The following NPAS2 variants were observed in gnomAD, a reference collection of about 807,000 sequenced individuals.
The protein encoded by NPAS2 is neuronal PAS domain protein 2.
A neutral mutation model predicts 107.5 loss-of-function variants in NPAS2; 23 were observed. The observed-to-expected ratio is 0.21, with a 90% CI of 0.15 to 0.30. The LOEUF (loss-of-function observed/expected upper bound fraction) is 0.30, where lower values mean the gene tolerates loss of function less well. NPAS2 is among the 10% of genes least tolerant of loss of function. The pLI is 1.00. For missense variants in NPAS2, 756 were observed against 1,043.3 expected (o/e 0.72, Z 3.79); for synonymous variants, 403 against 417.5 (o/e 0.97, Z 0.42).
At chr2:100,917,681 T>A (rs1682974347) in intron 2 of NPAS2, among the ~76,000 whole-genome samples, 1 of 152,122 alleles carries the variant, frequency 6.6e-6, no homozygotes, top group African/African-American at 2.4e-5. Flanking sequence ...TATGAACAAT[T>A]AGAGCCGCAT....
intron 1 of NPAS2, among the ~76,000 whole-genome samples, chr2:100,875,859 C>T (rs1360580843): frequency 6.6e-6 from 1 of 152,090 alleles, no homozygotes; most frequent in Non-Finnish European, 1.5e-5. Context: ...GAGGAAAAAA[C>T]ACCCACATGG....
At chr2:100,926,774 C>T (rs775477424) in intron 3 of NPAS2, among the ~76,000 whole-genome samples, 2 of 152,114 alleles carry the variant, frequency 1.3e-5, no homozygotes, top group Non-Finnish European at 2.9e-5. Flanking sequence ...CTCTTTGACA[C>T]ACGAAGGTTT....
intron 7 of NPAS2, among the ~76,000 whole-genome samples, chr2:100,952,457 G>A (rs1030533268): frequency 2.0e-5 from 3 of 152,204 alleles, no homozygotes; most frequent in Admixed American, 6.5e-5. Context: ...CCAGCTACTC[G>A]GGAGGCTGAG....
intron 10 of NPAS2, among the ~76,000 whole-genome samples, chr2:100,966,286 A>G (rs1676207798): frequency 6.6e-6 from 1 of 152,106 alleles, no homozygotes; most frequent in Non-Finnish European, 1.5e-5. Context: ...TGTACACAGC[A>G]TACTGGGGGA....
chr2:100,939,791 C>T (rs931146268), intron 5 of NPAS2, among the ~76,000 whole-genome samples: 1 of 152,076 alleles, frequency 6.6e-6, no homozygotes, highest in Non-Finnish European at 1.5e-5. Context: ...ACGTGGCAGA[C>T]GGGACTTAGA....
chr2:100,937,146 T>C (rs189955931), intron 4 of NPAS2, among the ~76,000 whole-genome samples: 4 of 152,282 alleles, frequency 2.6e-5, no homozygotes, highest in African/African-American at 9.6e-5. Context: ...CATTCTGAAA[T>C]GCTTACGGAT....
rs532759917 is a variant in NPAS2, at chr2:100,975,636, G to A, written c.1392+69G>A. On this transcript the variant is annotated intron_variant, in intron 14 of 20. Transcript: ENST00000335681. ...TGTGGTGGGGGCTGCAGAGCCAGGC[G>A]ATGTGCTGCGTCTCCCCAGAGAATC... is the stretch of plus-strand genomic sequence containing the variant. The A allele has an allele frequency of 1.4e-5, 16 of 1,123,004 alleles. No homozygotes were observed. In the East Asian group the frequency reaches 1.6e-4, roughly 11 times the overall value. The allele number at this position is 1,123,004 out of a possible 1,614,324, so 69.6% of individuals were successfully genotyped here.
intron 7 of NPAS2, among the ~76,000 whole-genome samples, chr2:100,951,728 T>G (rs1310801722): frequency 6.6e-6 from 1 of 152,206 alleles, no homozygotes; most frequent in Middle Eastern, 3.4e-3. Context: ...TTTTGCAGGA[T>G]GAAAGGAGTC....
At chr2:100,979,502 A>ATATATATAT (rs1403246843) in intron 15 of NPAS2, among the ~76,000 whole-genome samples, 1 of 43,330 alleles carries the variant, frequency 2.3e-5, no homozygotes, top group African/African-American at 9.8e-5. Flanking sequence ...ATATATATAT[A>ATATATATAT]TTTTTTTTTT....
At chr2:100,888,439 G>A (rs1452989410) in intron 1 of NPAS2, among the ~76,000 whole-genome samples, 1 of 152,168 alleles carries the variant, frequency 6.6e-6, no homozygotes, top group East Asian at 1.9e-4. Flanking sequence ...ACAATGTGAT[G>A]AGGATGGGGC....
At chr2:100,830,098 G>A (rs534946770) in intron 1 of NPAS2, among the ~76,000 whole-genome samples, 2 of 152,272 alleles carry the variant, frequency 1.3e-5, no homozygotes, top group African/African-American at 4.8e-5. Flanking sequence ...ATAGCTCTTT[G>A]GTCTTTGTTG....
chr2:100,873,329 CACACACACACACAT>C (rs1679739030), intron 1 of NPAS2, among the ~76,000 whole-genome samples: 1 of 131,896 alleles, frequency 7.6e-6, no homozygotes, highest in African/African-American at 3.1e-5. Flanking sequence ...CACACACACA[CACACACACACACAT>C]ATATACATAC....
intron 1 of NPAS2, among the ~76,000 whole-genome samples, chr2:100,845,797 C>T (rs1677737833): frequency 6.6e-6 from 1 of 152,172 alleles, no homozygotes; most frequent in Non-Finnish European, 1.5e-5. Flanking sequence ...TGGTAGTGAC[C>T]AGCTGTCTTT....
Position 100,965,024 on chromosome 2 carries a change from GA to G in NPAS2, c.800+82del. ...GAGCCAGGCTCTCCTTGGGAGAGAA[GA>G]GTCGGCCCTGGTCCATTGAAAGAGG... On this transcript the variant is annotated intron_variant, in intron 9 of 20. Coordinates refer to ENST00000335681, the MANE Select transcript of NPAS2 (RefSeq NM_002518.4). This position sits in a 1 kb window ranked among gnomAD's most constrained non-coding sequence, Gnocchi z 4.3. 1 of 918,352 alleles carries G rather than the reference GA, an allele frequency of 1.1e-6. No individual in the cohort carries two copies. Among genetic ancestry groups the G allele is most frequent in the Non-Finnish European group, 1.6e-6 (1 of 607,912 alleles). 56.9% of individuals were successfully genotyped at this position (918,352 alleles called of 1,614,324 possible). A position where few individuals can be genotyped will look rare whatever the true frequency, so the allele number is the denominator to read the frequency against.
rs58728948 is a variant in NPAS2 at position 100,990,829 on chromosome 2, G to A, written c.2068G>A (p.Ala690Thr). 2,898 of 1,614,170 alleles carry A rather than the reference G, an allele frequency of 1.8e-3. 40 individuals carry two copies. In the African/African-American group the frequency reaches 0.031, roughly 17 times the overall value. ...IQPMMPGSCDARQPSEVSRTG... is the reference protein window; with the variant it reads ...IQPMMPGSCDTRQPSEVSRTG... The stretch of plus-strand genomic sequence containing the variant: ...GCCCATGATGCCCGGGTCCTGTGAC[G>A]CAAGGCAGCCCTCGGAAGTCAGCAG... The change falls in exon 19 of 21, where the codon GCA becomes ACA. Residue 690 changes from alanine to threonine, a missense_variant. Around this residue, in one of 4 missense-constraint regions of NPAS2, gnomAD observed 496 missense variants for 594.4 expected, o/e 0.83. Coordinates refer to ENST00000335681, the MANE Select transcript of NPAS2 (RefSeq NM_002518.4).
intron 1 of NPAS2, among the ~76,000 whole-genome samples, chr2:100,830,962 G>A (rs1165356372): frequency 6.6e-6 from 1 of 152,142 alleles, no homozygotes; most frequent in African/African-American, 2.4e-5. Context: ...GGGTTGGAGT[G>A]AGGACAAGGG....
intron 7 of NPAS2, among the ~76,000 whole-genome samples, chr2:100,950,077 G>A (rs1675133713): frequency 6.6e-6 from 1 of 152,192 alleles, no homozygotes; most frequent in Non-Finnish European, 1.5e-5. Flanking sequence ...CAACAACTCT[G>A]AACGAGACTA....
chr2:100,842,011 TAC>T lies in NPAS2; in HGVS notation c.-23+21603_-23+21604del, dbSNP rs148262396. 3.7e-4 allele frequency among the ~76,000 whole-genome samples: 56 copies of T among 151,946 alleles called. 1 individual carries two copies. In the East Asian group the frequency reaches 8.7e-3, roughly 24 times the overall value. ...CATATGCATTCACACAGTACACATATACACACATGCATGTATGCACACCATAT... is the reference window on the plus strand; with the variant it reads ...CATATGCATTCACACAGTACACATATACACATGCATGTATGCACACCATAT... On this transcript the variant is annotated intron_variant, in intron 1 of 20. Transcript: ENST00000335681.
At chr2:100,880,422 T>C (rs1680257361) in intron 1 of NPAS2, among the ~76,000 whole-genome samples, 1 of 152,216 alleles carries the variant, frequency 6.6e-6, no homozygotes, top group African/African-American at 2.4e-5. Context: ...TGGTACCATA[T>C]GTATATATAT....
Sources: gnomAD v4.1 joint callset for allele counts (sites outside exome capture counted in the v4.1 genomes callset) on GRCh38, gnomAD v4.1.1 for gene constraint, gnomAD v4.1.1 regional missense constraint, Gnocchi (gnomAD v3.1) non-coding constraint, MANE v1.5 for transcripts, NCBI Gene and HGNC (gene_info 2026-07-23, HGNC 2026-07-21) for gene names.